Variants in WWC1 observed in about 807,000 individuals in gnomAD.
WWC1 encodes WW and C2 domain containing 1.
In WWC1, 55 loss-of-function variants were observed where a neutral mutation model predicts 138.4. The observed-to-expected ratio is 0.40, with a 90% CI of 0.32 to 0.50. WWC1 has a LOEUF of 0.50. WWC1 is among the 20% of genes least tolerant of loss of function. The pLI is 0.72. For missense variants in WWC1, 1,226 were observed against 1,420.4 expected (o/e 0.86, Z 2.20); for synonymous variants, 524 against 564.9 (o/e 0.93, Z 1.03).
rs768233223 is a variant in WWC1 at position 168,441,851 on chromosome 5, T to A, written c.2433+17T>A. ...GCCAGCACGGTGAGCTGGGACCAGG[T>A]GTGCCACCTTCCCACAAGGCCGCAC... On this transcript the variant is annotated intron_variant, in intron 16 of 22. Coordinates refer to ENST00000265293, the MANE Select transcript of WWC1 (RefSeq NM_015238.3). The A allele has an allele frequency of 6.2e-7, 1 of 1,609,596 alleles. No homozygotes were observed. The highest frequency in any genetic ancestry group is 2.2e-5 in the East Asian group (1 of 44,782).
intron 9 of WWC1, chr5:168,415,931 C>A (rs1202335174): frequency 6.6e-6 from 1 of 151,234 alleles, no homozygotes; most frequent in Non-Finnish European, 1.5e-5. Context: ...GAGGCCCAGT[C>A]TATGAAGCAA....
chr5:168,370,292 CA>C lies in WWC1; in HGVS notation c.120-1130del, dbSNP rs545119476. 1.3e-4 allele frequency among the ~76,000 whole-genome samples: 20 copies of C among 152,230 alleles called. No homozygotes were observed. The South Asian group carries it at 3.5e-3, about 27-fold the overall frequency. ...TGATTAAAATCATTTAATTAATCCC[CA>C]AGAAGGAATTTAAAAGGTGATGATC... On this transcript the variant is annotated intron_variant, in intron 1 of 22. Coordinates refer to ENST00000265293, the MANE Select transcript of WWC1 (RefSeq NM_015238.3).
intron 21 of WWC1, among the ~76,000 whole-genome samples, chr5:168,466,410 G>T (rs1016932021): frequency 6.6e-6 from 1 of 152,190 alleles, no homozygotes; most frequent in Non-Finnish European, 1.5e-5. Flanking sequence ...ACTTTTGCTA[G>T]TTCTCTGTGC....
chr5:168,430,861 G>A (rs1377687791), intron 14 of WWC1, among the ~76,000 whole-genome samples: 1 of 152,168 alleles, frequency 6.6e-6, no homozygotes, highest in Non-Finnish European at 1.5e-5. Flanking sequence ...AGCCTGTGAG[G>A]GTGGCACATG....
chr5:168,396,625 C>G (rs762131191), intron 3 of WWC1, among the ~76,000 whole-genome samples: 7 of 152,136 alleles, frequency 4.6e-5, no homozygotes, highest in Non-Finnish European at 1.0e-4. Context: ...TATATCTGGT[C>G]CTATTTCCCC....
intron 1 of WWC1, among the ~76,000 whole-genome samples, chr5:168,339,392 G>T (rs1328899847): frequency 2.6e-5 from 4 of 152,168 alleles, no homozygotes; most frequent in African/African-American, 4.8e-5. Context: ...GCTGTGAAGG[G>T]TGCAGTCATT....
chr5:168,424,448 T>C (rs1227697944), intron 11 of WWC1, among the ~76,000 whole-genome samples: 3 of 152,194 alleles, frequency 2.0e-5, no homozygotes, highest in Non-Finnish European at 4.4e-5. Context: ...CTCATGAAGC[T>C]TATGTTCAAA....
intron 1 of WWC1, among the ~76,000 whole-genome samples, chr5:168,367,148 G>A (rs950582299): frequency 6.6e-6 from 1 of 151,882 alleles, no homozygotes; most frequent in Non-Finnish European, 1.5e-5. Context: ...GATTTCCCAG[G>A]TCTATTGAAT....
intron 15 of WWC1, among the ~76,000 whole-genome samples, chr5:168,433,928 C>T (rs112235051): frequency 0.019 from 2,887 of 152,320 alleles, 87 homozygotes; most frequent in African/African-American, 0.066. Flanking sequence ...AAGACCTTTC[C>T]TGTCACAGTT....
At position 168,312,030 on chromosome 5, in the gene WWC1, C is replaced by T. The variant is rs1317528023; in HGVS notation, c.119+19759C>T. 9.4e-5 allele frequency among the ~76,000 whole-genome samples: 14 copies of T among 149,066 alleles called. No individual in the cohort carries two copies. The East Asian group carries it at 9.9e-4, about 10-fold the overall frequency. On this transcript the variant is annotated intron_variant, in intron 1 of 22. Coordinates refer to ENST00000265293, the MANE Select transcript of WWC1 (RefSeq NM_015238.3). ...TGCCACTGCACTCCAGCCTGGGTGA[C>T]GGAGCAAGACTCAGTCTAAAAAAAA...
rs1306737469 is a variant in WWC1 at position 168,409,927 on chromosome 5, C to T, written c.873C>T (p.Gly291=). 1.9e-6 allele frequency: 3 copies of T among 1,613,826 alleles called. No individual in the cohort carries two copies. The highest frequency in any genetic ancestry group is 1.7e-5 in the Admixed American group (1 of 59,988). ...SSQTDISGSF[G]INSNNQLAEK... ...ACTTTGTTCTTCTCCTCCAGTTCGG[C>T]ATCAACAGCAACAATCAGTTGGCAG... Residue 291 remains glycine (G), a synonymous_variant, in exon 8 of 23, where the codon GGC becomes GGT. Coordinates refer to ENST00000265293, the MANE Select transcript of WWC1 (RefSeq NM_015238.3).
intron 15 of WWC1, among the ~76,000 whole-genome samples, chr5:168,439,563 G>A (rs1464091022): frequency 6.6e-6 from 1 of 151,274 alleles, no homozygotes; most frequent in Non-Finnish European, 1.5e-5. Context: ...GGAGGCAGAG[G>A]TTGTGGTGAG....
At chr5:168,341,110 G>A (rs971037458) in intron 1 of WWC1, among the ~76,000 whole-genome samples, 10 of 152,158 alleles carry the variant, frequency 6.6e-5, no homozygotes, top group Non-Finnish European at 1.2e-4. Context: ...AGACCATGGC[G>A]CAATAATCGA....
At chr5:168,396,632 C>T (rs770085005) in intron 3 of WWC1, among the ~76,000 whole-genome samples, 2 of 152,178 alleles carry the variant, frequency 1.3e-5, no homozygotes, top group Admixed American at 1.3e-4. Context: ...GGTCCTATTT[C>T]CCCCTCACAT....
chr5:168,423,149 C>CCAAAAAAAAAAAAAAAAA (rs776459903), intron 10 of WWC1, among the ~76,000 whole-genome samples: 1 of 71,304 alleles, frequency 1.4e-5, no homozygotes, highest in East Asian at 4.3e-4. Context: ...CATCCCCCCC[C>CCAAAAAAAAAAAAAAAAA]AAAAAAAAAA....
intron 9 of WWC1, among the ~76,000 whole-genome samples, chr5:168,420,569 C>G (rs1220374100): frequency 6.6e-6 from 1 of 151,882 alleles, no homozygotes; most frequent in Non-Finnish European, 1.5e-5. Context: ...TGATAGGGAC[C>G]CCCCCGCCCC....
rs1360755749 is a variant in WWC1 at position 168,423,768 on chromosome 5, G to T, written c.1510G>T (p.Asp504Tyr). The change falls in exon 11 of 23, where the codon GAT becomes TAT. Residue 504 changes from aspartate (D) to tyrosine (Y), a missense_variant. By Grantham distance (160) the Asp-to-Tyr change is radical. Coordinates refer to ENST00000265293, the MANE Select transcript of WWC1 (RefSeq NM_015238.3). ...PSGCITTIHE[D>Y]EVAKTQKAEG... The stretch of plus-strand genomic sequence containing the variant: ...AGGCTGCATCACCACCATCCACGAG[G>T]ATGAGGTGGCCAAGACCCAGAAGGC... The T allele has an allele frequency of 6.2e-7, 1 of 1,614,032 alleles. No homozygotes were observed.
In WWC1 at chr5:168,422,383, C is replaced by T. The variant is rs533956792; in HGVS notation, c.1274+286C>T. Among the ~76,000 whole-genome samples, 12 of 152,314 alleles carry T rather than the reference C, an allele frequency of 7.9e-5. No homozygotes were observed. The South Asian group carries it at 2.5e-3, about 32-fold the overall frequency. ...ATGGCTCACACCTGTAATCCCAGCA[C>T]TTTGGGAGGCCAAGGTGGGTGGATC... On this transcript the variant is annotated intron_variant, in intron 10 of 22. Coordinates refer to ENST00000265293, the MANE Select transcript of WWC1 (RefSeq NM_015238.3).
chr5:168,456,712 T>G (rs1337436912), intron 19 of WWC1, among the ~76,000 whole-genome samples: 1 of 151,818 alleles, frequency 6.6e-6, no homozygotes, highest in Middle Eastern at 3.4e-3. Flanking sequence ...TTTTTTTTTT[T>G]GTAAAATTAC....
Sources: allele counts gnomAD v4.1 joint callset (sites outside exome capture counted in the v4.1 genomes callset), GRCh38; gene constraint gnomAD v4.1.1; transcripts MANE v1.5; gene names NCBI Gene and HGNC (gene_info 2026-07-23, HGNC 2026-07-21).